CTNND2: variants seen among roughly 807,000 people sequenced by gnomAD.
CTNND2 encodes the protein catenin delta-2.
CTNND2 carries 22 observed loss-of-function variants against 144.4 expected under a neutral mutation model. That is an observed-to-expected ratio of 0.15 (90% confidence interval 0.11 to 0.22). The LOEUF is 0.22. Among genes scored for constraint, CTNND2 ranks in the 10% least tolerant of loss-of-function variants. The pLI is 1.00. For missense variants in CTNND2, 1,353 were observed against 1,618.8 expected (o/e 0.84, Z 2.82); for synonymous variants, 751 against 695.6 (o/e 1.08, Z -1.25).
At chr5:11,612,160 A>T (rs1780364890) in intron 2 of CTNND2, among the ~76,000 whole-genome samples, 1 of 152,194 alleles carries the variant, frequency 6.6e-6, no homozygotes, top group African/African-American at 2.4e-5. Context: ...GAAATCCCAA[A>T]TACCAGAAAG....
intron 9 of CTNND2, among the ~76,000 whole-genome samples, chr5:11,244,789 G>T (rs1370208020): frequency 6.6e-6 from 1 of 152,024 alleles, no homozygotes; most frequent in Non-Finnish European, 1.5e-5. Context: ...ATGATTTCTG[G>T]TCCTGGCCTC....
Position 11,287,882 on chromosome 5 carries a change from C to T in CTNND2, c.1629-51059G>A, listed in dbSNP as rs147976756. Among the ~76,000 whole-genome samples the T allele has an allele frequency of 2.2e-4, 34 of 152,258 alleles. No homozygotes were observed. In the East Asian group the frequency reaches 4.2e-3, roughly 19 times the overall value. Reference sequence around the variant, plus strand: ...AAATGCTACACCAAAATAAAAACTCCGCATCAGTCAGTTGATACAATAAAT... The same window carrying T: ...AAATGCTACACCAAAATAAAAACTCTGCATCAGTCAGTTGATACAATAAAT... On this transcript the variant is annotated intron_variant, in intron 9 of 21. Coordinates refer to ENST00000304623, the MANE Select transcript of CTNND2 (RefSeq NM_001332.4).
At chr5:11,840,267 G>A (rs1202788891) in intron 1 of CTNND2, among the ~76,000 whole-genome samples, 4 of 151,998 alleles carry the variant, frequency 2.6e-5, no homozygotes, top group African/African-American at 9.7e-5. Context: ...ACACAAAATC[G>A]CTCATCAAAG....
At chr5:11,211,042 A>T (rs187503906) in intron 10 of CTNND2, among the ~76,000 whole-genome samples, 5 of 152,354 alleles carry the variant, frequency 3.3e-5, no homozygotes, top group African/African-American at 1.2e-4. Context: ...CTTAAAGAAG[A>T]TCCACTAAAC....
chr5:11,563,758 T>C (rs1234188651), intron 3 of CTNND2, among the ~76,000 whole-genome samples: 2 of 151,990 alleles, frequency 1.3e-5, no homozygotes, highest in Admixed American at 6.6e-5. Context: ...AAAAAAACAC[T>C]AAGCAATGTT....
rs937425103 is a variant in CTNND2 at position 11,847,053 on chromosome 5, A to G, written c.37+56764T>C. 5.3e-5 allele frequency among the ~76,000 whole-genome samples: 8 copies of G among 149,956 alleles called. No individual in the cohort carries two copies. The South Asian group carries it at 6.3e-4, about 12-fold the overall frequency. On this transcript the variant is annotated intron_variant, in intron 1 of 21. Coordinates refer to ENST00000304623, the MANE Select transcript of CTNND2 (RefSeq NM_001332.4). ...GAAGGTTCCTCAAAAAATTAAAAAT[A>G]TAACTACGGTTTGATCTAGCAATCT...
At chr5:11,861,215 GCTCAA>G (rs547870594) in intron 1 of CTNND2, among the ~76,000 whole-genome samples, 15 of 152,124 alleles carry the variant, frequency 9.9e-5, no homozygotes, top group Non-Finnish European at 1.9e-4. Context: ...AGCCTTCTCT[GCTCAA>G]CTCTAGACTC....
chr5:11,680,650 G>A (rs1009535781), intron 2 of CTNND2, among the ~76,000 whole-genome samples: 2 of 152,174 alleles, frequency 1.3e-5, no homozygotes, highest in African/African-American at 4.8e-5. Flanking sequence ...ATCAGGAAAT[G>A]AATAGGAGGA....
intron 2 of CTNND2, among the ~76,000 whole-genome samples, chr5:11,634,668 G>T (rs1282787088): frequency 6.6e-6 from 1 of 152,094 alleles, no homozygotes; most frequent in Non-Finnish European, 1.5e-5. Flanking sequence ...AAGATGAAAT[G>T]GCCCAGAAAG....
At chr5:11,326,828 G>A (rs901045550) in intron 9 of CTNND2, among the ~76,000 whole-genome samples, 7 of 152,220 alleles carry the variant, frequency 4.6e-5, no homozygotes, top group African/African-American at 1.7e-4. Context: ...CAACTGGGGG[G>A]TCTTGCTAAT....
At chr5:11,724,475 C>T (rs1450276823) in intron 2 of CTNND2, among the ~76,000 whole-genome samples, 2 of 152,148 alleles carry the variant, frequency 1.3e-5, no homozygotes, top group Non-Finnish European at 2.9e-5. Context: ...TATTATTTAA[C>T]AAAATAATTT....
intron 11 of CTNND2, among the ~76,000 whole-genome samples, chr5:11,183,264 A>G (rs2149803659): frequency 6.6e-6 from 1 of 152,350 alleles, no homozygotes; most frequent in African/African-American, 2.4e-5. Flanking sequence ...TCTCATAACT[A>G]CAACTGTATG....
chr5:11,845,060 C>T (rs898491741), intron 1 of CTNND2, among the ~76,000 whole-genome samples: 27 of 152,118 alleles, frequency 1.8e-4, no homozygotes, highest in Admixed American at 1.6e-3. Flanking sequence ...GGCTACTAGC[C>T]GAGGACGCAT....
chr5:11,836,101 T>G (rs912586906), intron 1 of CTNND2, among the ~76,000 whole-genome samples: 1 of 152,200 alleles, frequency 6.6e-6, no homozygotes, highest in Non-Finnish European at 1.5e-5. Flanking sequence ...AGTGTGTTGT[T>G]TAGTTTCCAA....
intron 2 of CTNND2, among the ~76,000 whole-genome samples, chr5:11,596,775 G>A (rs73742870): frequency 3.3e-4 from 50 of 152,266 alleles, no homozygotes; most frequent in African/African-American, 1.1e-3. Flanking sequence ...GGAGGTGAGG[G>A]TTACAGGTGG....
intron 1 of CTNND2, among the ~76,000 whole-genome samples, chr5:11,743,176 T>C (rs545934884): frequency 8.9e-4 from 135 of 152,222 alleles, no homozygotes; most frequent in Non-Finnish European, 1.6e-3. Flanking sequence ...GTATGTAATA[T>C]ATAGAAGCTA....
chr5:11,160,037 C>G (rs1461897081), intron 11 of CTNND2, among the ~76,000 whole-genome samples: 1 of 152,132 alleles, frequency 6.6e-6, no homozygotes, highest in Non-Finnish European at 1.5e-5. Context: ...CTGAGGCTAC[C>G]AACAACGCTT....
chr5:11,834,259 T>C (rs563463405), intron 1 of CTNND2, among the ~76,000 whole-genome samples: 5 of 152,306 alleles, frequency 3.3e-5, no homozygotes, highest in Non-Finnish European at 7.4e-5. Flanking sequence ...AAATGCAAAG[T>C]AACATCATAG....
At chr5:11,397,613 T>G (rs890911696) in intron 5 of CTNND2, among the ~76,000 whole-genome samples, 1 of 152,224 alleles carries the variant, frequency 6.6e-6, no homozygotes, top group African/African-American at 2.4e-5. Context: ...ATGATGGAGA[T>G]GCTAAAACAC....
Sources: gnomAD v4.1 joint callset for allele counts (sites outside exome capture counted in the v4.1 genomes callset) on GRCh38, gnomAD v4.1.1 for gene constraint, MANE v1.5 for transcripts, NCBI Gene and HGNC (gene_info 2026-07-23, HGNC 2026-07-21) for gene names.